Variants in LTBP1 observed in about 807,000 individuals in gnomAD.
The protein encoded by LTBP1 is latent transforming growth factor beta binding protein 1.
A neutral mutation model predicts 207.6 loss-of-function variants in LTBP1; 129 were observed. The ratio of observed to expected loss-of-function variants is 0.62; its 90% confidence interval spans 0.54 to 0.72. The LOEUF (loss-of-function observed/expected upper bound fraction) is 0.72, where lower values mean the gene tolerates loss of function less well. Among genes scored for constraint, LTBP1 ranks in the 30% least tolerant of loss-of-function variants. The pLI is 0.00. For synonymous variants in LTBP1, 963 were observed against 833.7 expected (o/e 1.16, Z -2.67); for missense variants, 2,281 against 2,217.2 (o/e 1.03, Z -0.58).
intron 4 of LTBP1, among the ~76,000 whole-genome samples, chr2:33,121,671 C>T (rs535194437): frequency 6.6e-6 from 1 of 152,302 alleles, no homozygotes; most frequent in South Asian, 2.1e-4. Flanking sequence ...ATCTGCTTTA[C>T]TTTAGAAGGT....
At chr2:33,168,457 G>A (rs1218183388) in intron 5 of LTBP1, among the ~76,000 whole-genome samples, 3 of 147,594 alleles carry the variant, frequency 2.0e-5, no homozygotes, top group Admixed American at 1.3e-4. Context: ...TGTAAAATAA[G>A]CAATCTGGAT....
chr2:33,294,857 A>G (rs148006744), intron 20 of LTBP1, among the ~76,000 whole-genome samples: 2,254 of 151,636 alleles, frequency 0.015, 21 homozygotes, highest in East Asian at 0.026. Context: ...GATTACAGGC[A>G]TGAGCCACCA....
At chr2:33,192,290 A>C (rs927475315) in intron 7 of LTBP1, among the ~76,000 whole-genome samples, 2 of 152,182 alleles carry the variant, frequency 1.3e-5, no homozygotes, top group African/African-American at 4.8e-5. Context: ...CAGCGTCATT[A>C]ATAGTGGGGC....
chr2:33,049,012 C>T (rs932671905), intron 3 of LTBP1, among the ~76,000 whole-genome samples: 10 of 152,094 alleles, frequency 6.6e-5, no homozygotes, highest in Non-Finnish European at 1.2e-4. Flanking sequence ...ATAATCTGTC[C>T]TTTCAAAGTA....
chr2:33,197,176 A>G (rs1312745683), intron 7 of LTBP1, among the ~76,000 whole-genome samples: 1 of 152,350 alleles, frequency 6.6e-6, no homozygotes, highest in East Asian at 1.9e-4. Flanking sequence ...TAAATCTCCT[A>G]TATTCAAAGA....
intron 2 of LTBP1, among the ~76,000 whole-genome samples, chr2:32,980,927 A>G (rs1682670108): frequency 6.6e-6 from 1 of 152,206 alleles, no homozygotes; most frequent in South Asian, 2.1e-4. Context: ...TAAGGTTTCC[A>G]GTGAAAAGCC....
intron 25 of LTBP1, 107 bp downstream of exon 25, chr2:33,343,070 G>A (rs5024713): frequency 0.25 from 317,053 of 1,268,486 alleles, 48,986 homozygotes; most frequent in African/African-American, 0.73. Flanking sequence ...GAGCTTTATC[G>A]TAATTTGATT....
intron 26 of LTBP1, among the ~76,000 whole-genome samples, chr2:33,356,647 C>G (rs2094865436): frequency 6.6e-6 from 1 of 151,458 alleles, no homozygotes. Flanking sequence ...GAGTCTGTCT[C>G]AAAAAACAAA....
chr2:33,254,678 T>C (rs1344390314), intron 11 of LTBP1, among the ~76,000 whole-genome samples: 6 of 145,718 alleles, frequency 4.1e-5, no homozygotes, highest in African/African-American at 1.3e-4. Flanking sequence ...ACATGTGCCA[T>C]ATTGGTGTGC....
intron 3 of LTBP1, among the ~76,000 whole-genome samples, chr2:33,064,265 C>T (rs1453027091): frequency 6.6e-6 from 1 of 152,164 alleles, no homozygotes; most frequent in Non-Finnish European, 1.5e-5. Flanking sequence ...TTGCAGCCTC[C>T]AAAATTTCAA....
chr2:33,122,418 CT>C (rs1250724161), intron 4 of LTBP1, among the ~76,000 whole-genome samples: 1 of 152,184 alleles, frequency 6.6e-6, no homozygotes, highest in Admixed American at 6.5e-5. Flanking sequence ...GTGACCTCAC[CT>C]TCTGGCCACA....
intron 5 of LTBP1, among the ~76,000 whole-genome samples, chr2:33,177,137 C>G (rs1379653585): frequency 3.3e-5 from 5 of 152,148 alleles, no homozygotes; most frequent in South Asian, 2.1e-4. Flanking sequence ...CAGGCTGTTG[C>G]TCTTAATGTC....
chr2:33,151,410 C>T (rs2083510579), intron 5 of LTBP1, among the ~76,000 whole-genome samples: 2 of 152,082 alleles, frequency 1.3e-5, no homozygotes, highest in Non-Finnish European at 2.9e-5. Flanking sequence ...CTTGACAACA[C>T]TTATTTTCCC....
intron 29 of LTBP1, among the ~76,000 whole-genome samples, chr2:33,363,885 T>C (rs186326804): frequency 6.6e-6 from 1 of 152,322 alleles, no homozygotes; most frequent in East Asian, 1.9e-4. Context: ...GAAAACCATA[T>C]ACACTAGGCA....
chr2:33,337,288 C>T (rs577095085), intron 24 of LTBP1, among the ~76,000 whole-genome samples: 2 of 152,144 alleles, frequency 1.3e-5, no homozygotes, highest in East Asian at 3.9e-4. Flanking sequence ...AGCATCTGGG[C>T]AAGGAAAATG....
chr2:33,299,803 C>T (rs1230257255), intron 20 of LTBP1, among the ~76,000 whole-genome samples: 1 of 152,178 alleles, frequency 6.6e-6, no homozygotes, highest in African/African-American at 2.4e-5. Context: ...TTTTCTAGGA[C>T]ACTTATTAAG....
At chr2:33,353,662 C>T (rs1256382501) in intron 26 of LTBP1, among the ~76,000 whole-genome samples, 1 of 152,100 alleles carries the variant, frequency 6.6e-6, no homozygotes. Flanking sequence ...AATGTCTATT[C>T]ACACTTCCGT....
At position 33,179,284 on chromosome 2, in the gene LTBP1, G is replaced by A. The variant is rs144451179; in HGVS notation, c.1202-7572G>A. On this transcript the variant is annotated intron_variant, in intron 5 of 33. Transcript: ENST00000404816. ...AGTTCTTCTTCCAGTGTAGCTCAGG[G>A]AAGCCAAAAGATTGGAAACCCCTCA... Among the ~76,000 whole-genome samples, 543 of 152,170 alleles carry A rather than the reference G, an allele frequency of 3.6e-3. 5 individuals are homozygous for A. Among genetic ancestry groups the A allele is most frequent in the African/African-American group, 0.013 (537 of 41,510 alleles).
chr2:33,134,982 AACTGTCCTT>A lies in LTBP1; in HGVS notation c.1201+27_1201+35del. 4 of 1,584,508 alleles carry A rather than the reference AACTGTCCTT, an allele frequency of 2.5e-6. No individual in the cohort carries two copies. Among genetic ancestry groups the A allele is most frequent in the Non-Finnish European group, 8.6e-7 (1 of 1,165,022 alleles). On this transcript the variant is annotated intron_variant, in intron 5 of 33. Coordinates refer to ENST00000404816, the MANE Select transcript of LTBP1 (RefSeq NM_206943.4). The surrounding 1 kb of genome is among the most constrained non-coding windows in gnomAD (Gnocchi z 4.4). ...GTGGGTGAGTTCCTCCACGGTCCCT[AACTGTCCTT>A]ACTGAGTCGAGTTTTATGAGATTGT...
Sources: allele counts gnomAD v4.1 joint callset (sites outside exome capture counted in the v4.1 genomes callset), GRCh38; gene constraint gnomAD v4.1.1; non-coding constraint Gnocchi (gnomAD v3.1); transcripts MANE v1.5; gene names NCBI Gene and HGNC (gene_info 2026-07-23, HGNC 2026-07-21).